Variants in PEX11G observed in about 807,000 individuals in gnomAD.
PEX11G encodes peroxisomal membrane protein 11C.
PEX11G carries 20 observed loss-of-function variants against 22.5 expected under a neutral mutation model. The observed-to-expected ratio is 0.89, with a 90% CI of 0.62 to 1.29. The LOEUF is 1.29. Ranked by LOEUF, PEX11G falls within the 50% of genes most tolerant of loss-of-function variation. PEX11G has a pLI of 0.00. For synonymous variants in PEX11G, 141 were observed against 154.5 expected (o/e 0.91, Z 0.65); for missense variants, 347 against 331.3 (o/e 1.05, Z -0.37).
At chr19:7,485,244 C>T (rs924574600) in intron 2 of PEX11G, among the ~76,000 whole-genome samples, 5 of 152,234 alleles carry the variant, frequency 3.3e-5, no homozygotes, top group Non-Finnish European at 7.3e-5. Flanking sequence ...ATTCTCGGCT[C>T]ATGGCAACCT....
At chr19:7,486,163 G>A (rs2021647467) in intron 1 of PEX11G, 137 bp from the exon 2 acceptor site, 1 of 763,452 alleles carries the variant, frequency 1.3e-6, no homozygotes, top group Non-Finnish European at 2.0e-6. Context: ...GTCTCACTCT[G>A]TCATCCAGAC....
chr19:7,490,153 C>A (rs114939311), upstream of PEX11G, among the ~76,000 whole-genome samples: 1 of 150,592 alleles, frequency 6.6e-6, no homozygotes, highest in African/African-American at 2.4e-5. Flanking sequence ...CCACCGCACC[C>A]GGCCTCAATG....
Position 7,477,192 on chromosome 19 carries a change from TC to T in PEX11G, c.*9del. The T allele has an allele frequency of 6.8e-7, 1 of 1,466,558 alleles. No homozygotes were observed. Among genetic ancestry groups the T allele is most frequent in the East Asian group, 2.5e-5 (1 of 39,520 alleles). 90.8% of individuals were successfully genotyped at this position (1,466,558 alleles called of 1,614,324 possible). A position where few individuals can be genotyped will look rare whatever the true frequency, so the allele number is the denominator to read the frequency against. On this transcript the variant is annotated 3_prime_UTR_variant, in exon 5 of 5. Coordinates refer to ENST00000221480, the MANE Select transcript of PEX11G (RefSeq NM_080662.4). ...GGCTCTGGCTGTGTCCCTGTGCTCT[TC>T]CGGCAGTGTCAGGGGGTAGTGGCCT...
At chr19:7,479,937 C>T (rs1225451160) in intron 3 of PEX11G, among the ~76,000 whole-genome samples, 3 of 152,072 alleles carry the variant, frequency 2.0e-5, no homozygotes, top group African/African-American at 7.3e-5. Flanking sequence ...ACGTTATGCT[C>T]AATTTTGCCA....
In PEX11G at chr19:7,482,408, C is replaced by T. The variant is rs191548685; in HGVS notation, c.250-197G>A. 5.9e-5 allele frequency among the ~76,000 whole-genome samples: 9 copies of T among 152,332 alleles called. No homozygotes were observed. In the East Asian group the frequency reaches 1.5e-3, roughly 26 times the overall value. Reference sequence around the variant, plus strand: ...GCCTGATTTCTGTGTCTCGGCAGCACGGTGCTCAGTGCCCCTTGGAGGGAG... The same window carrying T: ...GCCTGATTTCTGTGTCTCGGCAGCATGGTGCTCAGTGCCCCTTGGAGGGAG... On this transcript the variant is annotated intron_variant, in intron 2 of 4. Coordinates refer to ENST00000221480, the MANE Select transcript of PEX11G (RefSeq NM_080662.4).
chr19:7,490,490 A>ATTTTTTTTTTTTTTTTT (rs59322811), upstream of PEX11G, among the ~76,000 whole-genome samples: 1 of 114,894 alleles, frequency 8.7e-6, no homozygotes, highest in Non-Finnish European at 1.8e-5. Flanking sequence ...CGCCTGGGTA[A>ATTTTTTTTTTTTTTTTT]TTTTTTTTTT....
chr19:7,477,770 G>A (rs983495812), intron 4 of PEX11G, among the ~76,000 whole-genome samples: 5 of 152,236 alleles, frequency 3.3e-5, no homozygotes, highest in African/African-American at 9.6e-5. Context: ...CCCCAGGAGC[G>A]TGGCCTGTGC....
At position 7,494,119 on chromosome 19, in the gene PEX11G, C is replaced by G. The variant is rs1235053265; in HGVS notation, c.-456-2997G>C. 2.0e-5 allele frequency among the ~76,000 whole-genome samples: 3 copies of G among 152,300 alleles called. No individual in the cohort carries two copies. The East Asian group carries it at 5.8e-4, about 29-fold the overall frequency. On this transcript the variant is annotated intron_variant, in intron 1 of 6. Transcript: ENST00000593942. Reference sequence around the variant, plus strand: ...ATGGGGTTTTGCCCTGTTGGCCAGGCTGGTCTCGAACTCCTGACCTTGGGG... The same window carrying G: ...ATGGGGTTTTGCCCTGTTGGCCAGGGTGGTCTCGAACTCCTGACCTTGGGG...
chr19:7,483,900 G>A (rs1165393144), intron 2 of PEX11G, among the ~76,000 whole-genome samples: 1 of 152,108 alleles, frequency 6.6e-6, no homozygotes, highest in East Asian at 1.9e-4. Flanking sequence ...GCACGCCTGT[G>A]GGACGCCGCA....
intron 3 of PEX11G, among the ~76,000 whole-genome samples, chr19:7,481,214 T>G (rs1355467215): frequency 1.3e-5 from 2 of 152,142 alleles, no homozygotes; most frequent in Non-Finnish European, 2.9e-5. Flanking sequence ...ATTTTTTCTT[T>G]TTTTGACACG....
At chr19:7,494,126 C>T (rs1417884994) in intron 1 of PEX11G, among the ~76,000 whole-genome samples, 3 of 152,128 alleles carry the variant, frequency 2.0e-5, no homozygotes, top group African/African-American at 7.2e-5. Flanking sequence ...AGGCTGGTCT[C>T]GAACTCCTGA....
chr19:7,478,251 AGCCGGGATCCCAC>A, intron 4 of PEX11G, 50 bp downstream of exon 4: 2 of 1,556,122 alleles, frequency 1.3e-6, no homozygotes, highest in Non-Finnish European at 1.7e-6. Flanking sequence ...GGTGGCTGCG[AGCCGGGATCCCAC>A]GCCTGCTGGA....
At chr19:7,480,290 C>A (rs1204322094) in intron 3 of PEX11G, among the ~76,000 whole-genome samples, 1 of 151,804 alleles carries the variant, frequency 6.6e-6, no homozygotes, top group African/African-American at 2.4e-5. Context: ...AGAAAGGAAC[C>A]AAGGCTGCCC....
At chr19:7,486,099 C>A (rs1382953782) in intron 1 of PEX11G, 73 bp from the exon 2 acceptor site, 45 of 1,322,702 alleles carry the variant, frequency 3.4e-5, no homozygotes, top group Non-Finnish European at 4.4e-5. Context: ...CCATACCTGG[C>A]CCCGGGCCCC....
In PEX11G at chr19:7,477,139, T is replaced by A; in HGVS notation, c.*63A>T. On this transcript the variant is annotated 3_prime_UTR_variant, in exon 5 of 5. Coordinates refer to ENST00000221480, the MANE Select transcript of PEX11G (RefSeq NM_080662.4). Reference sequence around the variant, plus strand: ...GAGCCCCGGCCCCTGCCCTGGCGGCTTCTGCTTTGCGGGAAGGGCCCTCCG... The same window carrying A: ...GAGCCCCGGCCCCTGCCCTGGCGGCATCTGCTTTGCGGGAAGGGCCCTCCG... The A allele has an allele frequency of 7.3e-7, 1 of 1,368,472 alleles. No homozygotes were observed. Among genetic ancestry groups the A allele is most frequent in the Non-Finnish European group, 9.5e-7 (1 of 1,048,632 alleles). 84.8% of individuals were successfully genotyped at this position (1,368,472 alleles called of 1,614,324 possible). A position where few individuals can be genotyped will look rare whatever the true frequency, so the allele number is the denominator to read the frequency against.
chr19:7,488,804 G>T, intron 1 of PEX11G, 147 bp downstream of exon 1: 1 of 806,136 alleles, frequency 1.2e-6, no homozygotes, highest in Non-Finnish European at 2.0e-6. Context: ...AATGTCCAAT[G>T]CTAGGGCACC....
At chr19:7,488,248 C>T (rs1568384010) in intron 1 of PEX11G, among the ~76,000 whole-genome samples, 1 of 152,166 alleles carries the variant, frequency 6.6e-6, no homozygotes, top group Non-Finnish European at 1.5e-5. Flanking sequence ...TGGAACCCAT[C>T]GCTGCTTAGG....
At position 7,477,321 on chromosome 19, in the gene PEX11G, C is replaced by T. The variant is rs747587409; in HGVS notation, c.607G>A (p.Val203Met). 141 of 1,559,174 alleles carry T rather than the reference C, an allele frequency of 9.0e-5. No individual in the cohort carries two copies. Among genetic ancestry groups the T allele is most frequent in the Non-Finnish European group, 1.1e-4 (129 of 1,153,556 alleles). The part of the protein sequence containing the change: ...ANAVHWLPRG[V>M]LWAGRFPPWL... ...GGCGGGAAGCGGCCGGCCCACAGCA[C>T]GCCCCGGGGCAGCCAGTGCACGGCG... Residue 203 changes from valine (V) to methionine (M), a missense_variant, in exon 5 of 5, where the codon GTG becomes ATG. Val to Met is a conservative substitution (Grantham distance 21). Transcript: ENST00000221480.
chr19:7,486,801 A>G (rs2021681327), intron 1 of PEX11G, among the ~76,000 whole-genome samples: 3 of 151,658 alleles, frequency 2.0e-5, no homozygotes, highest in East Asian at 3.9e-4. Flanking sequence ...GGGTTTCACC[A>G]TTTTAGCCAG....
Sources: allele counts gnomAD v4.1 joint callset (sites outside exome capture counted in the v4.1 genomes callset), GRCh38; gene constraint gnomAD v4.1.1; transcripts MANE v1.5; gene names NCBI Gene and HGNC (gene_info 2026-07-23, HGNC 2026-07-21).